COX7B2: variants seen among roughly 807,000 people sequenced by gnomAD.
COX7B2 encodes the protein cytochrome c oxidase subunit 7B2, also known as cytochrome c oxidase subunit 7B2, mitochondrial.
For synonymous variants in COX7B2, 37 were observed against 32.1 expected (o/e 1.15, Z -0.51); for missense variants, 109 against 95.9 (o/e 1.14, Z -0.57).
At position 46,881,266 on chromosome 4, in the gene COX7B2, CATGTAAGAAGTACA is replaced by C. The variant is rs1254821108; in HGVS notation, c.-105+27880_-105+27893del. On this transcript the variant is annotated intron_variant, in intron 1 of 2. Transcript: ENST00000355591. ...GGGAGACATGAGACACCAATCAATACATGTAAGAAGTACACTGGTTCAGTCTGGAAAGGCAGGAC... is the reference window on the plus strand; with the variant it reads ...GGGAGACATGAGACACCAATCAATACCTGGTTCAGTCTGGAAAGGCAGGAC... Among the ~76,000 whole-genome samples the C allele has an allele frequency of 7.9e-5, 12 of 152,248 alleles. No homozygotes were observed. The East Asian group carries it at 1.9e-3, about 25-fold the overall frequency.
intron 2 of COX7B2, among the ~76,000 whole-genome samples, chr4:46,751,243 C>T (rs1201995202): frequency 6.6e-6 from 1 of 152,004 alleles, no homozygotes; most frequent in Non-Finnish European, 1.5e-5. Flanking sequence ...CTCTCATCTA[C>T]TGTTTCAATT....
At chr4:46,746,901 A>G (rs1715052840) in intron 2 of COX7B2, among the ~76,000 whole-genome samples, 1 of 152,218 alleles carries the variant, frequency 6.6e-6, no homozygotes, top group African/African-American at 2.4e-5. Flanking sequence ...AGGAATTACC[A>G]TAAAAATAAT....
At chr4:46,756,217 C>T (rs1234557256) in intron 2 of COX7B2, among the ~76,000 whole-genome samples, 1 of 151,994 alleles carries the variant, frequency 6.6e-6, no homozygotes, top group East Asian at 1.9e-4. Flanking sequence ...GGATAAAGGA[C>T]ATCCTATTCA....
At chr4:46,754,728 G>GTGTGTATATATATATA (rs1333586285) in intron 2 of COX7B2, among the ~76,000 whole-genome samples, 1 of 39,866 alleles carries the variant, frequency 2.5e-5, no homozygotes, top group Non-Finnish European at 4.1e-5. Context: ...GTGTGTGTGT[G>GTGTGTATATATATATA]TATATATATA....
chr4:46,824,396 T>G (rs973028254), intron 2 of COX7B2, among the ~76,000 whole-genome samples: 1 of 152,124 alleles, frequency 6.6e-6, no homozygotes, highest in Admixed American at 6.6e-5. Context: ...TAGTGAGGTA[T>G]ACATCGCTGG....
At chr4:46,796,209 T>C (rs1395095308) in intron 2 of COX7B2, among the ~76,000 whole-genome samples, 14 of 145,838 alleles carry the variant, frequency 9.6e-5, no homozygotes, top group African/African-American at 3.3e-4. Context: ...TCCTGCCTGA[T>C]TGCCCTGGCC....
At chr4:46,795,237 C>T (rs1577713661) in intron 2 of COX7B2, among the ~76,000 whole-genome samples, 1 of 113,864 alleles carries the variant, frequency 8.8e-6, no homozygotes, top group East Asian at 2.3e-4. Context: ...TCTTTTGTTG[C>T]CATTGCTTTT....
At chr4:46,801,713 C>T (rs971041843) in intron 2 of COX7B2, among the ~76,000 whole-genome samples, 2 of 152,048 alleles carry the variant, frequency 1.3e-5, no homozygotes, top group African/African-American at 4.8e-5. Flanking sequence ...TCCCCTGAAC[C>T]TAAAATAAAA....
chr4:46,813,982 G>C (rs947654034), intron 2 of COX7B2, among the ~76,000 whole-genome samples: 4 of 152,132 alleles, frequency 2.6e-5, no homozygotes, highest in Admixed American at 6.5e-5. Flanking sequence ...ACTGTAATGA[G>C]ATATTATCTC....
At chr4:46,867,047 G>A (rs1025281197) in intron 1 of COX7B2, among the ~76,000 whole-genome samples, 8 of 152,054 alleles carry the variant, frequency 5.3e-5, no homozygotes, top group African/African-American at 1.9e-4. Flanking sequence ...TTTGGCCCTT[G>A]CTTATTACCT....
At chr4:46,875,185 A>G (rs1045357276) in intron 1 of COX7B2, among the ~76,000 whole-genome samples, 12 of 152,210 alleles carry the variant, frequency 7.9e-5, no homozygotes, top group Non-Finnish European at 1.3e-4. Flanking sequence ...CTTTTTAAAT[A>G]GGAATTTTGT....
At chr4:46,870,681 C>T (rs556256049) in intron 1 of COX7B2, among the ~76,000 whole-genome samples, 2 of 152,132 alleles carry the variant, frequency 1.3e-5, no homozygotes, top group East Asian at 3.9e-4. Flanking sequence ...ACTAGCATTC[C>T]AGTACACCAC....
intron 1 of COX7B2, among the ~76,000 whole-genome samples, chr4:46,864,534 C>A (rs921061916): frequency 6.6e-6 from 1 of 152,038 alleles, no homozygotes; most frequent in African/African-American, 2.4e-5. Context: ...CTCAGGTGGG[C>A]AGTTAATCAT....
rs377112296 is a variant in COX7B2 at position 46,863,182 on chromosome 4, TAGAA to T, written c.-104-18172_-104-18169del. 1.7e-3 allele frequency among the ~76,000 whole-genome samples: 256 copies of T among 152,214 alleles called. 1 individual carries two copies. Among genetic ancestry groups the T allele is most frequent in the African/African-American group, 5.7e-3 (238 of 41,552 alleles). On this transcript the variant is annotated intron_variant, in intron 1 of 2. Coordinates refer to ENST00000355591, the MANE Select transcript of COX7B2 (RefSeq NM_130902.3). ...TGAAAAGGTTATTTATGAAATGAGA[TAGAA>T]AGGAACTGATAAGGAGGGAGAAATG... is the stretch of plus-strand genomic sequence containing the variant.
intron 2 of COX7B2, among the ~76,000 whole-genome samples, chr4:46,792,307 G>T (rs1718090915): frequency 6.6e-6 from 1 of 152,260 alleles, no homozygotes; most frequent in South Asian, 2.1e-4. Context: ...TCGGCAATGG[G>T]ATGCCCAGAT....
chr4:46,750,711 G>A (rs1715319871), intron 2 of COX7B2, among the ~76,000 whole-genome samples: 1 of 152,096 alleles, frequency 6.6e-6, no homozygotes, highest in African/African-American at 2.4e-5. Flanking sequence ...TTTTCTCAAA[G>A]TCCTGAAGGC....
intron 1 of COX7B2, among the ~76,000 whole-genome samples, chr4:46,897,894 A>G (rs1235608677): frequency 1.3e-5 from 2 of 152,208 alleles, no homozygotes; most frequent in African/African-American, 4.8e-5. Context: ...TGGTATTGTT[A>G]ACCACATTAA....
At chr4:46,787,352 C>A (rs1717802248) in intron 2 of COX7B2, among the ~76,000 whole-genome samples, 1 of 151,876 alleles carries the variant, frequency 6.6e-6, no homozygotes, top group Non-Finnish European at 1.5e-5. Flanking sequence ...GAGGCTGAGG[C>A]AGGAGAAACG....
chr4:46,823,695 T>C (rs1199348698), intron 2 of COX7B2, among the ~76,000 whole-genome samples: 1 of 151,036 alleles, frequency 6.6e-6, no homozygotes, highest in Non-Finnish European at 1.5e-5. Flanking sequence ...CTTACAAAAA[T>C]TGAAAAAAAT....
Sources: allele counts gnomAD v4.1 joint callset (sites outside exome capture counted in the v4.1 genomes callset), GRCh38; gene constraint gnomAD v4.1.1; transcripts MANE v1.5; gene names NCBI Gene and HGNC (gene_info 2026-07-23, HGNC 2026-07-21).